The following ST18 variants were observed in gnomAD, a reference collection of about 807,000 sequenced individuals.
ST18 encodes the protein suppression of tumorigenicity 18 protein.
ST18 carries 50 observed loss-of-function variants against 110.0 expected under a neutral mutation model. The ratio of observed to expected loss-of-function variants is 0.45; its 90% CI spans 0.36 to 0.58. ST18 has a LOEUF of 0.58. Among genes scored for constraint, ST18 ranks in the 20% least tolerant of loss-of-function variants. The pLI, the probability that ST18 is intolerant of heterozygous loss-of-function variation, is 0.00. For missense variants in ST18, 1,306 were observed against 1,280.1 expected, an observed-to-expected ratio of 1.02 and a Z score of -0.31; for synonymous variants, 461 against 452.4, an observed-to-expected ratio of 1.02 and a Z score of -0.24.
intron 2 of ST18, among the ~76,000 whole-genome samples, chr8:52,261,536 A>C (rs1042842459): frequency 3.3e-5 from 5 of 152,200 alleles, no homozygotes; most frequent in Non-Finnish European, 7.3e-5. Context: ...TTAGCAGGAT[A>C]ATCAGATTTT....
At chr8:52,182,085 T>C (rs895128277) in intron 8 of ST18, among the ~76,000 whole-genome samples, 2 of 152,202 alleles carry the variant, frequency 1.3e-5, no homozygotes, top group Non-Finnish European at 2.9e-5. Context: ...GCCATTATCA[T>C]GAGCCAAGAT....
At chr8:52,160,408 G>A (rs895956416) in intron 14 of ST18, among the ~76,000 whole-genome samples, 53 of 152,232 alleles carry the variant, frequency 3.5e-4, no homozygotes, top group African/African-American at 1.1e-3. Flanking sequence ...GGTTTTACAC[G>A]AAATTCTAGT....
rs149020786 is a variant in ST18, at chr8:52,191,359, A to G, written c.87-11047T>C. ...CCTGACCATGATGTCAGAGCCAACC[A>G]TCATGAACTGGATTCCGTTAGACTC... On this transcript the variant is annotated intron_variant, in intron 8 of 25. Transcript: ENST00000689386. Among the ~76,000 whole-genome samples, 1,346 of 152,288 alleles carry G rather than the reference A, an allele frequency of 8.8e-3. 18 individuals are homozygous for G. The highest frequency in any genetic ancestry group is 0.031 in the African/African-American group (1,290 of 41,568).
At chr8:52,340,197 C>G (rs1429549007) in intron 2 of ST18, among the ~76,000 whole-genome samples, 2 of 152,268 alleles carry the variant, frequency 1.3e-5, no homozygotes. Flanking sequence ...CCCTGAGCCT[C>G]AACTCTAAGA....
At chr8:52,395,370 C>T (rs972842003) in intron 2 of ST18, among the ~76,000 whole-genome samples, 2 of 152,158 alleles carry the variant, frequency 1.3e-5, no homozygotes, top group Non-Finnish European at 2.9e-5. Flanking sequence ...TAGGGAGACC[C>T]GTTAGGAGTG....
intron 9 of ST18, among the ~76,000 whole-genome samples, chr8:52,174,862 C>G (rs2066302384): frequency 6.6e-6 from 1 of 152,050 alleles, no homozygotes; most frequent in South Asian, 2.1e-4. Context: ...TCACTGGAGT[C>G]ATAAGAAAAA....
At chr8:52,154,315 C>A (rs1563729437) in intron 15 of ST18, 5 of 152,208 alleles carry the variant, frequency 3.3e-5, no homozygotes, top group Non-Finnish European at 5.9e-5. Context: ...TGTTCAAGCA[C>A]AAAACAGACT....
intron 2 of ST18, among the ~76,000 whole-genome samples, chr8:52,268,824 AG>A (rs2094972532): frequency 6.6e-6 from 1 of 152,172 alleles, no homozygotes; most frequent in Admixed American, 6.5e-5. Flanking sequence ...GCACCATGTA[AG>A]GGGCACCTGT....
At chr8:52,407,088 A>T (rs1844785125) in intron 2 of ST18, 1 of 152,242 alleles carries the variant, frequency 6.6e-6, no homozygotes, top group Non-Finnish European at 1.5e-5. Context: ...TAGATCCCCT[A>T]AACATTTATG....
chr8:52,303,045 C>T (rs2095754661), intron 2 of ST18, among the ~76,000 whole-genome samples: 2 of 152,140 alleles, frequency 1.3e-5, no homozygotes, highest in Non-Finnish European at 1.5e-5. Flanking sequence ...AAAAGAGTAA[C>T]GTTATTGTAG....
chr8:52,365,764 C>T (rs1827652146), intron 2 of ST18, among the ~76,000 whole-genome samples: 1 of 151,956 alleles, frequency 6.6e-6, no homozygotes, highest in South Asian at 2.1e-4. Flanking sequence ...GTTGTTGCAA[C>T]CACAGCTCAC....
At chr8:52,352,255 T>C (rs73582607) in intron 2 of ST18, among the ~76,000 whole-genome samples, 24,974 of 152,174 alleles carry the variant, frequency 0.16, 3,475 homozygotes, top group African/African-American at 0.38. Flanking sequence ...TCAGCCTAGA[T>C]TGCACTTGGC....
intron 2 of ST18, among the ~76,000 whole-genome samples, chr8:52,329,691 G>A (rs1414017292): frequency 6.6e-6 from 1 of 152,054 alleles, no homozygotes; most frequent in Non-Finnish European, 1.5e-5. Flanking sequence ...GGAGGCAGAG[G>A]TTGCAGTGAG....
intron 2 of ST18, among the ~76,000 whole-genome samples, chr8:52,354,481 G>A (rs141004637): frequency 1.9e-4 from 29 of 152,314 alleles, no homozygotes; most frequent in Non-Finnish European, 3.8e-4. Context: ...GTAAATGAAA[G>A]ATGAAGCAAG....
chr8:52,146,336 G>T (rs182456478), intron 16 of ST18, among the ~76,000 whole-genome samples: 32 of 152,176 alleles, frequency 2.1e-4, no homozygotes, highest in Admixed American at 2.6e-4. Flanking sequence ...AACTGTTGCC[G>T]CCAACACACC....
intron 2 of ST18, among the ~76,000 whole-genome samples, chr8:52,287,893 A>G (rs565586755): frequency 2.0e-5 from 3 of 152,336 alleles, no homozygotes; most frequent in East Asian, 3.9e-4. Flanking sequence ...GAGGGCTTCA[A>G]ACAAGAGACC....
At chr8:52,232,233 A>G (rs2137004402) in intron 2 of ST18, among the ~76,000 whole-genome samples, 1 of 152,318 alleles carries the variant, frequency 6.6e-6, no homozygotes, top group Non-Finnish European at 1.5e-5. Context: ...CATTCTCAGA[A>G]CCACTTTATA....
At position 52,112,927 on chromosome 8, in the gene ST18, CAA is replaced by C. The variant is rs3834880; in HGVS notation, c.*269_*270del. Reference sequence around the variant, plus strand: ...TCACATTTATTTTACATATACTTTACAAAAAAAAAAAGAGTACAATGAAGAAA... The same window carrying C: ...TCACATTTATTTTACATATACTTTACAAAAAAAAAGAGTACAATGAAGAAA... On this transcript the variant is annotated 3_prime_UTR_variant, in exon 26 of 26. Coordinates refer to ENST00000689386, the MANE Select transcript of ST18 (RefSeq NM_001352837.2). 57 of 236,608 alleles carry C rather than the reference CAA, an allele frequency of 2.4e-4. 1 individual carries two copies. Among genetic ancestry groups the C allele is most frequent in the African/African-American group, 7.7e-4 (33 of 42,674 alleles). The allele number at this position is 236,608 out of a possible 1,614,324, so 14.7% of individuals were successfully genotyped here.
Position 52,147,196 on chromosome 8 carries a change from T to C in ST18, c.2052+2536A>G, listed in dbSNP as rs543129939. On this transcript the variant is annotated intron_variant, in intron 16 of 25. Coordinates refer to ENST00000689386, the MANE Select transcript of ST18 (RefSeq NM_001352837.2). ...GAATCCCATCTTGTGTGTGTGAATT[T>C]GCTGGGAAATGAAACACTGTCCCAG... Among the ~76,000 whole-genome samples the C allele has an allele frequency of 2.0e-5, 3 of 152,318 alleles. No individual in the cohort carries two copies. The South Asian group carries it at 6.2e-4, about 32-fold the overall frequency.
Sources: allele counts gnomAD v4.1 joint callset (sites outside exome capture counted in the v4.1 genomes callset), GRCh38; gene constraint gnomAD v4.1.1; transcripts MANE v1.5; gene names NCBI Gene and HGNC (gene_info 2026-07-23, HGNC 2026-07-21).